The following PAPOLA variants were observed in gnomAD, a reference collection of about 807,000 sequenced individuals.
PAPOLA encodes the protein polynucleotide adenylyltransferase alpha.
In PAPOLA, 15 loss-of-function variants were observed where a neutral mutation model predicts 100.6. The observed-to-expected ratio is 0.15, with a 90% CI of 0.10 to 0.23. The LOEUF is 0.23. Ranked by LOEUF, PAPOLA falls within the 10% of genes least tolerant of loss-of-function variation. The pLI is 1.00. For missense variants in PAPOLA, 533 were observed against 884.2 expected (o/e 0.60, Z 5.04); for synonymous variants, 293 against 300.0 (o/e 0.98, Z 0.24).
At chr14:96,543,723 C>G (rs1430557765) in intron 14 of PAPOLA, among the ~76,000 whole-genome samples, 2 of 151,770 alleles carry the variant, frequency 1.3e-5, no homozygotes, top group African/African-American at 4.8e-5. Flanking sequence ...GTTCATGTGG[C>G]CTTTTAAATT....
chr14:96,507,735 A>C (rs932716428), intron 1 of PAPOLA, among the ~76,000 whole-genome samples: 1 of 152,206 alleles, frequency 6.6e-6, no homozygotes. Context: ...ATACATTTTA[A>C]GAGTTTTACA....
chr14:96,523,752 G>C (rs1397617393), intron 3 of PAPOLA, among the ~76,000 whole-genome samples: 1 of 152,182 alleles, frequency 6.6e-6, no homozygotes, highest in Non-Finnish European at 1.5e-5. Flanking sequence ...AGACAAGCCT[G>C]ACTAACATGG....
intron 9 of PAPOLA, chr14:96,533,446 A>G (rs1235958799): frequency 3.0e-6 from 3 of 983,778 alleles, no homozygotes; most frequent in Non-Finnish European, 3.6e-6. Context: ...AATAAAAAAA[A>G]TTTAGAACCA....
chr14:96,561,958 A>G (rs1338890745), intron 20 of PAPOLA, among the ~76,000 whole-genome samples: 1 of 151,428 alleles, frequency 6.6e-6, no homozygotes, highest in Non-Finnish European at 1.5e-5. Flanking sequence ...GCAGTGGGAC[A>G]ATCTCGGCTC....
rs778847386 is a variant in PAPOLA at position 96,542,934 on chromosome 14, A to G, written c.1289+41A>G. On this transcript the variant is annotated intron_variant, in intron 14 of 21. Transcript: ENST00000216277. ...ATTTAATTTCTTCTTCCCATTTCCA[A>G]TTTTTATTCATAGAAGCTTTTACAG... The G allele has an allele frequency of 2.2e-5, 36 of 1,601,162 alleles. No homozygotes were observed. In the East Asian group the frequency reaches 7.0e-4, roughly 31 times the overall value.
At chr14:96,556,486 A>G in intron 19 of PAPOLA, 73 bp downstream of exon 19, 8 of 1,036,768 alleles carry the variant, frequency 7.7e-6, no homozygotes, top group Non-Finnish European at 1.2e-5. Context: ...GTGGAAGAAA[A>G]GTTTATGAAC....
At chr14:96,563,182 G>T (rs1902007928) in intron 21 of PAPOLA, among the ~76,000 whole-genome samples, 1 of 152,004 alleles carries the variant, frequency 6.6e-6, no homozygotes, top group Non-Finnish European at 1.5e-5. Flanking sequence ...TTCATATGTA[G>T]GTTTTATTTG....
At chr14:96,540,658 A>G (rs1899907583) in intron 12 of PAPOLA, among the ~76,000 whole-genome samples, 1 of 152,178 alleles carries the variant, frequency 6.6e-6, no homozygotes, top group South Asian at 2.1e-4. Flanking sequence ...TAAACTGGTA[A>G]AGGAAGTATT....
rs1902330813 is a variant in PAPOLA, at chr14:96,567,103, A to C, written c.*2053A>C. On this transcript the variant is annotated 3_prime_UTR_variant, in exon 22 of 22. Transcript: ENST00000216277. ...CCATTGAAAACACAATAAAAAAAAA[A>C]CAGCACAATCTCACAGTTGCCTGAT... The C allele has an allele frequency of 1.3e-5, 2 of 152,512 alleles. No homozygotes were observed. The highest frequency in any genetic ancestry group is 2.1e-4 in the South Asian group (1 of 4,830). 9.4% of individuals were successfully genotyped at this position (152,512 alleles called of 1,614,324 possible).
In PAPOLA at chr14:96,556,156, T is replaced by C. The variant is rs762978858; in HGVS notation, c.1766-19T>C. On this transcript the variant is annotated intron_variant, in intron 18 of 21. Transcript: ENST00000216277. ...TTTGGTTATTTTAATTTGTATATAC[T>C]CATATATTTGCTGCTTAGGTACATC... 1.5e-5 allele frequency: 23 copies of C among 1,567,580 alleles called. No homozygotes were observed. Among genetic ancestry groups the C allele is most frequent in the Non-Finnish European group, 2.0e-5 (23 of 1,137,798 alleles).
intron 1 of PAPOLA, among the ~76,000 whole-genome samples, chr14:96,503,262 C>G: frequency 6.6e-6 from 1 of 152,230 alleles, no homozygotes; most frequent in East Asian, 1.9e-4. Context: ...GTGCCCTCCT[C>G]CAAAACGACT....
At chr14:96,502,803 G>C in intron 1 of PAPOLA, 1 of 533,442 alleles carries the variant, frequency 1.9e-6, no homozygotes, top group Non-Finnish European at 3.1e-6. Flanking sequence ...CGCGTCCCCC[G>C]ACCCTTCCTG....
intron 21 of PAPOLA, among the ~76,000 whole-genome samples, chr14:96,564,240 A>C (rs1902102260): frequency 6.6e-6 from 1 of 152,122 alleles, no homozygotes; most frequent in Non-Finnish European, 1.5e-5. Flanking sequence ...TTTGCTTCAG[A>C]ATAACACAAG....
In PAPOLA at chr14:96,565,105, A is replaced by G; in HGVS notation, c.*55A>G. ...CTGCCAACTCAACCTGTTGTCTTCA[A>G]ATGCTAAAAAAGGAGAATGGAGGGT... On this transcript the variant is annotated 3_prime_UTR_variant, in exon 22 of 22. Transcript: ENST00000216277. 3 of 949,402 alleles carry G rather than the reference A, an allele frequency of 3.2e-6. No homozygotes were observed. Among genetic ancestry groups the G allele is most frequent in the Non-Finnish European group, 5.2e-6 (3 of 575,642 alleles). The allele number at this position is 949,402 out of a possible 1,614,324, so 58.8% of individuals were successfully genotyped here.
intron 19 of PAPOLA, among the ~76,000 whole-genome samples, chr14:96,558,905 T>C (rs1230918213): frequency 1.3e-5 from 2 of 152,142 alleles, no homozygotes; most frequent in Non-Finnish European, 2.9e-5. Flanking sequence ...ATAGGCTGTT[T>C]GTTTAAATCT....
Position 96,507,280 on chromosome 14 carries a change from G to GTTTTTTTTTTTTTTT in PAPOLA, c.8+4691_8+4705dup, listed in dbSNP as rs71103533. Among the ~76,000 whole-genome samples the GTTTTTTTTTTTTTTT allele has an allele frequency of 1.2e-3, 100 of 80,700 alleles. 9 individuals are homozygous for GTTTTTTTTTTTTTTT. The highest frequency in any genetic ancestry group is 3.8e-3 in the African/African-American group (67 of 17,604). The allele number at this position is 80,700 out of a possible 152,430, so 52.9% of individuals were successfully genotyped here. A position where few individuals can be genotyped will look rare whatever the true frequency, so the allele number is the denominator to read the frequency against. ...ACTAAATTTTTTGTTTTGGAAAATA[G>GTTTTTTTTTTTTTTT]TTTTTTTTTTTTTTTTTTTTTTTTT... On this transcript the variant is annotated intron_variant, in intron 1 of 21. Coordinates refer to ENST00000216277, the MANE Select transcript of PAPOLA (RefSeq NM_032632.5).
chr14:96,554,839 G>A (rs1901159255), intron 17 of PAPOLA, among the ~76,000 whole-genome samples: 1 of 152,100 alleles, frequency 6.6e-6, no homozygotes, highest in Non-Finnish European at 1.5e-5. Context: ...CATAGATTGG[G>A]CTTTTTTATA....
rs756615476 is a variant in PAPOLA at position 96,502,501 on chromosome 14, C to A, written c.-92C>A. On this transcript the variant is annotated 5_prime_UTR_variant, in exon 1 of 22. Coordinates refer to ENST00000216277, the MANE Select transcript of PAPOLA (RefSeq NM_032632.5). ...TGGACCCAGGGCTGAGGCAGGCCCC[C>A]CCCTCCCTCCCGCCTCAGTGGATCA... 23 of 1,015,396 alleles carry A rather than the reference C, an allele frequency of 2.3e-5. No homozygotes were observed. Among genetic ancestry groups the A allele is most frequent in the Non-Finnish European group, 3.2e-5 (22 of 680,110 alleles). The allele number at this position is 1,015,396 out of a possible 1,614,324, so 62.9% of individuals were successfully genotyped here.
At chr14:96,513,028 C>G (rs574695810) in intron 1 of PAPOLA, among the ~76,000 whole-genome samples, 1 of 152,314 alleles carries the variant, frequency 6.6e-6, no homozygotes, top group East Asian at 1.9e-4. Context: ...CACCCATACT[C>G]TAGCAGTGGC....
Sources: allele counts gnomAD v4.1 joint callset (sites outside exome capture counted in the v4.1 genomes callset), GRCh38; gene constraint gnomAD v4.1.1; transcripts MANE v1.5; gene names NCBI Gene and HGNC (gene_info 2026-07-23, HGNC 2026-07-21).